The following LARS2 variants were observed in gnomAD, a reference collection of about 807,000 sequenced individuals.
The protein encoded by LARS2 is leucine--tRNA ligase, mitochondrial.
In LARS2, 81 loss-of-function variants were observed where a neutral mutation model predicts 116.6. The ratio of observed to expected loss-of-function variants is 0.69; its 90% CI spans 0.58 to 0.84. The LOEUF is 0.84. Ranked by LOEUF, LARS2 falls within the 40% of genes least tolerant of loss-of-function variation. The pLI, the probability that LARS2 is intolerant of heterozygous loss-of-function variation, is 0.00. For missense variants in LARS2, 968 were observed against 1,114.5 expected (o/e 0.87, Z 1.87); for synonymous variants, 396 against 407.2 (o/e 0.97, Z 0.33).
intron 9 of LARS2, 21 bp downstream of exon 9, chr3:45,474,371 C>G (rs1699578897): frequency 1.4e-6 from 2 of 1,480,942 alleles, no homozygotes; most frequent in Admixed American, 3.4e-5. Flanking sequence ...AATAGCAGCT[C>G]CAGCAATTCA....
intron 15 of LARS2, among the ~76,000 whole-genome samples, chr3:45,511,543 T>C (rs1700289647): frequency 6.6e-6 from 1 of 152,054 alleles, no homozygotes; most frequent in African/African-American, 2.4e-5. Context: ...CTTACACTTT[T>C]CAATATGTGT....
chr3:45,481,846 G>T (rs1054424870), intron 10 of LARS2, among the ~76,000 whole-genome samples: 1 of 152,048 alleles, frequency 6.6e-6, no homozygotes, highest in Non-Finnish European at 1.5e-5. Context: ...TTTTCATTTT[G>T]ATGAAATTAA....
rs529202792 is a variant in LARS2 at position 45,481,584 on chromosome 3, G to A, written c.1019-4108G>A. 9.9e-5 allele frequency among the ~76,000 whole-genome samples: 15 copies of A among 152,218 alleles called. No homozygotes were observed. In the South Asian group the frequency reaches 2.9e-3, roughly 29 times the overall value. On this transcript the variant is annotated intron_variant, in intron 10 of 21. Transcript: ENST00000645846. ...TGATACCTCAGTGTAGTTTTAATTTGCATTTCCCTGATACATCTTTTCATG... is the reference window on the plus strand; with the variant it reads ...TGATACCTCAGTGTAGTTTTAATTTACATTTCCCTGATACATCTTTTCATG...
At chr3:45,415,878 G>T (rs7621266) in intron 4 of LARS2, among the ~76,000 whole-genome samples, 4,773 of 81,478 alleles carry the variant, frequency 0.059, 197 homozygotes, top group African/African-American at 0.19. Context: ...TATATATATA[G>T]AGAGAGAGAG....
chr3:45,526,649 C>T (rs925688737), intron 20 of LARS2, among the ~76,000 whole-genome samples: 4 of 152,032 alleles, frequency 2.6e-5, no homozygotes, highest in African/African-American at 7.3e-5. Flanking sequence ...AATGGTGACT[C>T]GGGCACAGCG....
chr3:45,502,437 A>G (rs1342756720), intron 15 of LARS2, among the ~76,000 whole-genome samples: 1 of 152,086 alleles, frequency 6.6e-6, no homozygotes, highest in Non-Finnish European at 1.5e-5. Flanking sequence ...GTGTGTCAGT[A>G]CTGTTAATGG....
intron 6 of LARS2, 56 bp from the exon 7 acceptor site, chr3:45,446,835 A>G (rs1699027580): frequency 2.0e-6 from 2 of 1,022,958 alleles, no homozygotes; most frequent in Middle Eastern, 2.1e-4. Flanking sequence ...CTGAGCATGC[A>G]TGGCTGGGGG....
At chr3:45,547,317 C>T (rs1162100359) in intron 21 of LARS2, 34 bp from the exon 22 acceptor site, 1 of 1,574,238 alleles carries the variant, frequency 6.4e-7, no homozygotes, top group South Asian at 1.2e-5. Context: ...TGAGGATGTT[C>T]CTCATTGTTT....
intron 7 of LARS2, among the ~76,000 whole-genome samples, chr3:45,449,401 A>C (rs1157758044): frequency 6.6e-6 from 1 of 152,104 alleles, no homozygotes; most frequent in Non-Finnish European, 1.5e-5. Flanking sequence ...AACTCAGGTG[A>C]TCTGCCCGCC....
At chr3:45,478,838 A>G (rs1247589088) in intron 10 of LARS2, among the ~76,000 whole-genome samples, 3 of 152,226 alleles carry the variant, frequency 2.0e-5, no homozygotes, top group Non-Finnish European at 4.4e-5. Context: ...ACAGAAGGCC[A>G]GTACAGTGCA....
intron 6 of LARS2, among the ~76,000 whole-genome samples, chr3:45,431,411 CTGTT>C (rs996228931): frequency 7.2e-5 from 11 of 152,180 alleles, no homozygotes; most frequent in African/African-American, 2.7e-4. Context: ...TGAAACTCCA[CTGTT>C]TGTTGTCTAC....
chr3:45,524,113 G>A lies in LARS2; in HGVS notation c.2404+5G>A, dbSNP rs752860955. On this transcript the variant is annotated splice_donor_5th_base_variant and intron_variant, in intron 20 of 21. Coordinates refer to ENST00000645846, the MANE Select transcript of LARS2 (RefSeq NM_015340.4). ...TAACCTCAGAGATCTGGGCAGGTAC[G>A]TGGCAGAGTCCTTTTTTGACCAGTT... The A allele has an allele frequency of 7.0e-6, 11 of 1,580,916 alleles. No individual in the cohort carries two copies. Among genetic ancestry groups the A allele is most frequent in the Admixed American group, 5.0e-5 (3 of 59,740 alleles).
Position 45,394,703 on chromosome 3 carries a change from G to T in LARS2, c.234+16G>T. The T allele has an allele frequency of 6.4e-7, 1 of 1,562,152 alleles. No individual in the cohort carries two copies. The highest frequency in any genetic ancestry group is 8.8e-7 in the Non-Finnish European group (1 of 1,132,896). The stretch of plus-strand genomic sequence containing the variant: ...AGAAGCTGATGTGAGTATTCTGAGA[G>T]ATTCTAAGAGGGTAGAGAAGAGGGG... On this transcript the variant is annotated intron_variant, in intron 3 of 21. Coordinates refer to ENST00000645846, the MANE Select transcript of LARS2 (RefSeq NM_015340.4).
chr3:45,516,683 C>T (rs1700373335), intron 17 of LARS2, among the ~76,000 whole-genome samples: 1 of 152,276 alleles, frequency 6.6e-6, no homozygotes, highest in Non-Finnish European at 1.5e-5. Flanking sequence ...TCCAAAGAGG[C>T]CAGTTCCCTC....
intron 6 of LARS2, among the ~76,000 whole-genome samples, chr3:45,444,655 C>T (rs1698985413): frequency 1.0e-5 from 1 of 96,050 alleles, no homozygotes; most frequent in African/African-American, 3.7e-5. Context: ...CAGAGCGAGA[C>T]TCCGTCTCAA....
chr3:45,452,887 G>A (rs184404435), intron 7 of LARS2, among the ~76,000 whole-genome samples: 8 of 152,150 alleles, frequency 5.3e-5, no homozygotes, highest in African/African-American at 7.2e-5. Context: ...TTCATGGTTC[G>A]ATCTTGCTAG....
intron 8 of LARS2, among the ~76,000 whole-genome samples, chr3:45,461,315 A>T (rs1279684218): frequency 8.5e-5 from 13 of 152,058 alleles, no homozygotes; most frequent in Non-Finnish European, 5.9e-5. Context: ...TTAGGTAGAC[A>T]TGAAACTTCA....
Position 45,532,931 on chromosome 3 carries a change from A to C in LARS2, c.2404+8823A>C, listed in dbSNP as rs190110549. On this transcript the variant is annotated intron_variant, in intron 20 of 21. Coordinates refer to ENST00000645846, the MANE Select transcript of LARS2 (RefSeq NM_015340.4). ...TGCTGGGATTACAGGTGTGAACCAC[A>C]GCGCCCGGCCACCTCTTTTTACTGT... 2.6e-4 allele frequency among the ~76,000 whole-genome samples: 40 copies of C among 152,062 alleles called. 1 individual carries two copies. Among genetic ancestry groups the C allele is most frequent in the African/African-American group, 9.2e-4 (38 of 41,506 alleles).
At chr3:45,441,497 G>A (rs1054161457) in intron 6 of LARS2, among the ~76,000 whole-genome samples, 16 of 152,226 alleles carry the variant, frequency 1.1e-4, no homozygotes, top group African/African-American at 3.6e-4. Context: ...GTGAGGATGC[G>A]AGGACTTGAA....
Sources: gnomAD v4.1 joint callset for allele counts (sites outside exome capture counted in the v4.1 genomes callset) on GRCh38, gnomAD v4.1.1 for gene constraint, MANE v1.5 for transcripts, NCBI Gene and HGNC (gene_info 2026-07-23, HGNC 2026-07-21) for gene names.